The following MAN2C1 variants were observed in gnomAD, a reference collection of about 807,000 sequenced individuals.
MAN2C1 encodes mannosidase alpha class 2C member 1.
In MAN2C1, 111 loss-of-function variants were observed where a neutral mutation model predicts 126.9. That is an observed-to-expected ratio of 0.87 (90% confidence interval 0.75 to 1.02). MAN2C1 has a LOEUF of 1.02. Among genes scored for constraint, MAN2C1 ranks in the 50% least tolerant of loss-of-function variants. The pLI, the probability that MAN2C1 is intolerant of heterozygous loss-of-function variation, is 0.00. For missense variants in MAN2C1, 1,363 were observed against 1,364.4 expected, an observed-to-expected ratio of 1.00 and a Z score of 0.02; for synonymous variants, 567 against 561.5, an observed-to-expected ratio of 1.01 and a Z score of -0.14.
Position 75,356,625 on chromosome 15 carries a change from A to G in MAN2C1, c.2718T>C (p.Tyr906=), listed in dbSNP as rs375440388. 8.6e-5 allele frequency: 135 copies of G among 1,565,220 alleles called. No homozygotes were observed. Among genetic ancestry groups the G allele is most frequent in the Non-Finnish European group, 1.1e-4 (122 of 1,155,378 alleles). The stretch of plus-strand genomic sequence containing the variant: ...ACTCACCCTTGTGCGGCATCAGTGC[A>G]TAGGTGAACTCGTGGCGCCCCGTGT... ...TADTGRHEFT[Y]ALMPHKGSFQ... Residue 906 remains tyrosine (Y), a synonymous_variant, in exon 23 of 26, where the codon TAT becomes TAC. Coordinates refer to ENST00000267978, the MANE Select transcript of MAN2C1 (RefSeq NM_006715.4). The surrounding 1 kb of genome is among the most constrained non-coding windows in gnomAD (Gnocchi z 5.8).
At chr15:75,363,074 C>A (rs2072507292) in intron 6 of MAN2C1, 2 of 410,388 alleles carry the variant, frequency 4.9e-6, no homozygotes, top group African/African-American at 2.1e-5. Flanking sequence ...TGCCCCTGCA[C>A]AAACTTGATG....
intron 5 of MAN2C1, 105 bp from the exon 6 acceptor site, chr15:75,364,293 T>G: frequency 7.6e-7 from 1 of 1,307,582 alleles, no homozygotes; most frequent in Middle Eastern, 2.6e-4. Context: ...CCCCCAACCC[T>G]TTTTCCCTGC....
chr15:75,358,481 T>C lies in MAN2C1; in HGVS notation c.2384A>G (p.Tyr795Cys), dbSNP rs143005170. The change falls in exon 20 of 26, where the codon TAT becomes TGT. Residue 795 changes from tyrosine to cysteine, a missense_variant. This residue lies in a region of MAN2C1 where 668 missense variants were observed against 650.1 expected (regional missense o/e 1.03). Transcript: ENST00000267978. ...GACTACCTCGGTGTGGAAGCGGACATAGGGGCAGCCAACGTCCAGCACAAC... is the reference window on the plus strand; with the variant it reads ...GACTACCTCGGTGTGGAAGCGGACACAGGGGCAGCCAACGTCCAGCACAAC... ...QEVVLDVGCPYVRFHTEVHWH... is the reference protein window; with the variant it reads ...QEVVLDVGCPCVRFHTEVHWH... The C allele has an allele frequency of 2.4e-4, 387 of 1,613,514 alleles. No homozygotes were observed. In the Middle Eastern group the frequency reaches 7.1e-3, roughly 30 times the overall value.
intron 6 of MAN2C1, 99 bp downstream of exon 6, chr15:75,363,900 G>GC: frequency 7.4e-7 from 1 of 1,344,690 alleles, no homozygotes; most frequent in Non-Finnish European, 1.0e-6. Flanking sequence ...TCCAAGAGGA[G>GC]CAAGAACTTG....
Position 75,361,344 on chromosome 15 carries a change from C to G in MAN2C1, c.1256G>C (p.Arg419Pro). The change falls in exon 11 of 26, where the codon CGT (arginine) becomes CCT (proline). Residue 419 changes from arginine to proline, a missense_variant. By Grantham distance (103) the Arg-to-Pro change is moderately radical. Transcript: ENST00000267978. This position sits in a 1 kb window ranked among gnomAD's most constrained non-coding sequence, Gnocchi z 5.0. ...GCCAGGTGGGAAGTGGACCAGTACA[C>G]GGGAGCCATCCAGGCCCTCCCAGAA... ...TFFWEGLDGS[R>P]VLVHFPPGDS... 2 of 1,567,002 alleles carry G rather than the reference C, an allele frequency of 1.3e-6. No homozygotes were observed. The highest frequency in any genetic ancestry group is 1.7e-6 in the Non-Finnish European group (2 of 1,155,344).
chr15:75,364,434 C>G, intron 5 of MAN2C1, 54 bp downstream of exon 5: 1 of 1,476,888 alleles, frequency 6.8e-7, no homozygotes, highest in Non-Finnish European at 9.0e-7. Flanking sequence ...AAAGAACAAC[C>G]TTCTTGGAGC....
Position 75,359,078 on chromosome 15 carries a change from C to T in MAN2C1, c.2122G>A (p.Val708Ile). ...LDPTGRLTSL[V>I]LVASGREAIA... ...TGGCACCTGCCAGAGGCCACCAGGA[C>T]CAAGGACGTCAGGCGACCAGTTGGG... Residue 708 changes from valine (V) to isoleucine (I), a missense_variant, in exon 18 of 26, where the codon GTC becomes ATC. Val to Ile is a conservative substitution (Grantham distance 29). This residue lies in a region of MAN2C1 where 668 missense variants were observed against 650.1 expected (regional missense o/e 1.03). Coordinates refer to ENST00000267978, the MANE Select transcript of MAN2C1 (RefSeq NM_006715.4). 3 of 1,613,964 alleles carry T rather than the reference C, an allele frequency of 1.9e-6. No homozygotes were observed. Among genetic ancestry groups the T allele is most frequent in the Non-Finnish European group, 2.5e-6 (3 of 1,179,994 alleles).
Position 75,362,641 on chromosome 15 carries a change from C to G in MAN2C1, c.897+1G>C. The G allele has an allele frequency of 6.2e-7, 1 of 1,613,920 alleles. No homozygotes were observed. The highest frequency in any genetic ancestry group is 8.5e-7 in the Non-Finnish European group (1 of 1,179,920). On this transcript the variant is annotated splice_donor_variant, in intron 7 of 25. Transcript: ENST00000267978. LOFTEE classifies it high-confidence loss of function. This position sits in a 1 kb window ranked among gnomAD's most constrained non-coding sequence, Gnocchi z 4.5. Reference sequence around the variant, plus strand: ...TCCTCCCTCACAGCTGTCCCTCTGACCTGGGAGCAGGCAAAGATGAACTCA... The same window carrying G: ...TCCTCCCTCACAGCTGTCCCTCTGAGCTGGGAGCAGGCAAAGATGAACTCA...
Position 75,361,946 on chromosome 15 carries a change from T to C in MAN2C1, c.1010A>G (p.Asp337Gly), listed in dbSNP as rs1032068513. The change falls in exon 9 of 26, where the codon GAT (aspartate) becomes GGT (glycine). Residue 337 changes from aspartate to glycine, a missense_variant and splice_region_variant. This residue lies in a region of MAN2C1 where 628 missense variants were observed against 609.8 expected (regional missense o/e 1.03). Transcript: ENST00000267978. This position sits in a 1 kb window ranked among gnomAD's most constrained non-coding sequence, Gnocchi z 5.0. The stretch of plus-strand genomic sequence containing the variant: ...GGCCTCTCCACTGGGCAGGTTCCCA[T>C]CCTGGCAGTGAAGGAAGTGGGAGGC... Reference protein sequence around the residue: ...VPVGGTWVEMDGNLPSGEAMV... With the variant: ...VPVGGTWVEMGGNLPSGEAMV... The C allele has an allele frequency of 1.2e-6, 2 of 1,613,148 alleles. No individual in the cohort carries two copies. The highest frequency in any genetic ancestry group is 1.7e-5 in the Admixed American group (1 of 60,002).
At position 75,366,608 on chromosome 15, in the gene MAN2C1, G is replaced by C; in HGVS notation, c.352-16C>G. 3 of 1,598,296 alleles carry C rather than the reference G, an allele frequency of 1.9e-6. No homozygotes were observed. Among genetic ancestry groups the C allele is most frequent in the Non-Finnish European group, 2.6e-6 (3 of 1,169,036 alleles). On this transcript the variant is annotated splice_polypyrimidine_tract_variant and intron_variant, in intron 3 of 25. Transcript: ENST00000267978. ...TGGTTAAACCCTAGTAGGGAGGGGA[G>C]TGAGAGAGACAAGGCTTGAGGCTTT...
intron 2 of MAN2C1, chr15:75,367,870 G>A (rs1428262679): frequency 5.6e-6 from 5 of 888,634 alleles, no homozygotes; most frequent in Non-Finnish European, 8.3e-6. Flanking sequence ...TCCAGAGGCG[G>A]CCACGTGGGA....
rs761310639 is a variant in MAN2C1, at chr15:75,368,547, T to TG, written c.36dup (p.Thr13HisfsTer18). On this transcript the variant is annotated frameshift_variant, in exon 1 of 26. Coordinates refer to ENST00000267978, the MANE Select transcript of MAN2C1 (RefSeq NM_006715.4). LOFTEE classifies it high-confidence loss of function. Reference sequence around the variant, plus strand: ...ACGAACTTCTCCACCCGCTCCAGCGTGGTGCGCCAGTGCTTCAAGGCCGGC... The same window carrying TG: ...ACGAACTTCTCCACCCGCTCCAGCGTGGGTGCGCCAGTGCTTCAAGGCCGGC... The TG allele has an allele frequency of 1.9e-6, 3 of 1,553,370 alleles. No individual in the cohort carries two copies. In the Admixed American group the frequency reaches 5.8e-5, roughly 30 times the overall value.
chr15:75,360,052 A>T (rs771497602), intron 14 of MAN2C1, 38 bp downstream of exon 14: 1 of 1,613,990 alleles, frequency 6.2e-7, no homozygotes, highest in Non-Finnish European at 8.5e-7. Context: ...AACTGCAGTG[A>T]GCAGTCAGGT....
At position 75,364,020 on chromosome 15, in the gene MAN2C1, C is replaced by A; in HGVS notation, c.769G>T (p.Gly257Trp). Residue 257 changes from glycine to tryptophan, a missense_variant, in exon 6 of 26, where the codon GGG (glycine) becomes TGG (tryptophan). Around this residue, in one of 3 missense-constraint regions of MAN2C1, gnomAD observed 628 missense variants for 609.8 expected, o/e 1.03. Transcript: ENST00000267978. ...CTACCTGTATCAATGTGGCAGTGCCCTGTGGCATGAATGGTGTGTTGGCTT... is the reference window on the plus strand; with the variant it reads ...CTACCTGTATCAATGTGGCAGTGCCATGTGGCATGAATGGTGTGTTGGCTT... Reference protein sequence around the residue: ...GESQHTIHATGHCHIDTAWLW... With the variant: ...GESQHTIHATWHCHIDTAWLW... 1 of 1,614,168 alleles carries A rather than the reference C, an allele frequency of 6.2e-7. No individual in the cohort carries two copies. Among genetic ancestry groups the A allele is most frequent in the Non-Finnish European group, 8.5e-7 (1 of 1,180,032 alleles).
chr15:75,357,079 AT>A (rs1200899533), intron 21 of MAN2C1, 177 bp from the exon 22 acceptor site: 1 of 599,606 alleles, frequency 1.7e-6, no homozygotes, highest in Admixed American at 3.0e-5. Context: ...CAGTTTCCTT[AT>A]CTGTGAAACG....
Position 75,359,887 on chromosome 15 carries a change from CTAT to C in MAN2C1, c.1792+13_1792+15del. ...CTGGGGTTGGAGAGAGCAGGCAGGA[CTAT>C]TGTGAGCCTAACCTTCATAATGGCA... On this transcript the variant is annotated intron_variant, in intron 15 of 25. Transcript: ENST00000267978. 1 of 1,611,626 alleles carries C rather than the reference CTAT, an allele frequency of 6.2e-7. No homozygotes were observed. The highest frequency in any genetic ancestry group is 8.5e-7 in the Non-Finnish European group (1 of 1,178,718).
Position 75,355,820 on chromosome 15 carries a change from A to G in MAN2C1, c.*86T>C. The G allele has an allele frequency of 1.3e-6, 2 of 1,529,004 alleles. No homozygotes were observed. Among genetic ancestry groups the G allele is most frequent in the Non-Finnish European group, 1.8e-6 (2 of 1,116,714 alleles). 94.7% of individuals were successfully genotyped at this position (1,529,004 alleles called of 1,614,324 possible). On this transcript the variant is annotated 3_prime_UTR_variant, in exon 26 of 26. Coordinates refer to ENST00000267978, the MANE Select transcript of MAN2C1 (RefSeq NM_006715.4). ...CCGATCCAAGGATTTATTCCACAAG[A>G]AAAGACTGATCCCTGCTTTAGGCTG...
At position 75,362,298 on chromosome 15, in the gene MAN2C1, CTGT is replaced by C. The variant is rs1242436108; in HGVS notation, c.1008+42_1008+44del. On this transcript the variant is annotated intron_variant, in intron 8 of 25. Coordinates refer to ENST00000267978, the MANE Select transcript of MAN2C1 (RefSeq NM_006715.4). The surrounding 1 kb of genome is among the most constrained non-coding windows in gnomAD (Gnocchi z 4.5). ...GAGGGCGGGGCTACCTGAGGGAAGG[CTGT>C]TGTCATACAGTTCAAGGCTGAGGAG... 1.9e-6 allele frequency: 3 copies of C among 1,549,616 alleles called. No individual in the cohort carries two copies. Among genetic ancestry groups the C allele is most frequent in the East Asian group, 2.3e-5 (1 of 44,426 alleles).
Position 75,362,146 on chromosome 15 carries a change from A to G in MAN2C1, c.1008+197T>C. The G allele has an allele frequency of 1.5e-6, 1 of 660,764 alleles. No homozygotes were observed. The highest frequency in any genetic ancestry group is 2.6e-6 in the Non-Finnish European group (1 of 380,034). The allele number at this position is 660,764 out of a possible 1,614,324, so 40.9% of individuals were successfully genotyped here. On this transcript the variant is annotated intron_variant, in intron 8 of 25. Transcript: ENST00000267978. This position sits in a 1 kb window ranked among gnomAD's most constrained non-coding sequence, Gnocchi z 4.5. ...GGGGTGCCCAGGACTAGGCCATGCA[A>G]CTTGTCACAGCGCTGGAGGCTCTCC...
Sources: gnomAD v4.1 joint callset for allele counts on GRCh38, gnomAD v4.1.1 for gene constraint, gnomAD v4.1.1 regional missense constraint, Gnocchi (gnomAD v3.1) non-coding constraint, MANE v1.5 for transcripts, NCBI Gene and HGNC (gene_info 2026-07-23, HGNC 2026-07-21) for gene names.